The following CPEB3 variants were observed in gnomAD, a reference collection of about 807,000 sequenced individuals.
The protein encoded by CPEB3 is cytoplasmic polyadenylation element binding protein 3, also known as cytoplasmic polyadenylation element-binding protein 3.
Under a neutral mutation model 67.2 loss-of-function variants are expected in CPEB3, and 20 were observed. The ratio of observed to expected loss-of-function variants is 0.30; its 90% CI spans 0.21 to 0.43. The LOEUF (loss-of-function observed/expected upper bound fraction) is 0.43. CPEB3 is among the 20% of genes least tolerant of loss of function. The pLI is 1.00. For synonymous variants in CPEB3, 376 were observed against 393.1 expected, an observed-to-expected ratio of 0.96 and a Z score of 0.51; for missense variants, 746 against 968.6, an observed-to-expected ratio of 0.77 and a Z score of 3.05.
chr10:92,255,049 T>C (rs1852462867), intron 1 of CPEB3, among the ~76,000 whole-genome samples: 1 of 151,890 alleles, frequency 6.6e-6, no homozygotes, highest in African/African-American at 2.4e-5. Context: ...GGCTATTAGG[T>C]AGTAATGTCT....
Position 92,056,518 on chromosome 10 carries a change from G to C in CPEB3, c.1870-4079C>G, listed in dbSNP as rs145508459. On this transcript the variant is annotated intron_variant, in intron 9 of 9. Coordinates refer to ENST00000265997, the MANE Select transcript of CPEB3 (RefSeq NM_014912.5). ...ACTGAGGAGTCAGAAGAATAGTCCC[G>C]AATCACCACACATTTAAACCAGCCC... Among the ~76,000 whole-genome samples the C allele has an allele frequency of 3.6e-3, 552 of 152,218 alleles. 5 individuals carry two copies. Among genetic ancestry groups the C allele is most frequent in the African/African-American group, 0.013 (521 of 41,532 alleles).
chr10:92,064,712 A>C (rs142756650), intron 9 of CPEB3, among the ~76,000 whole-genome samples: 1 of 152,322 alleles, frequency 6.6e-6, no homozygotes, highest in African/African-American at 2.4e-5. Flanking sequence ...GCTGGCTGAA[A>C]GGAGGCCATG....
chr10:92,252,131 T>G (rs367683998), intron 1 of CPEB3, among the ~76,000 whole-genome samples: 1 of 151,196 alleles, frequency 6.6e-6, no homozygotes, highest in Non-Finnish European at 1.5e-5. Context: ...CCCCCAAGAA[T>G]AGGCAAAAGA....
chr10:92,277,906 C>A (rs533578224), intron 1 of CPEB3, among the ~76,000 whole-genome samples: 14 of 144,010 alleles, frequency 9.7e-5, no homozygotes, highest in Admixed American at 2.8e-4. Flanking sequence ...ACAAAAAGGC[C>A]GGGTGCAGTG....
At chr10:92,188,082 G>C (rs1848777757) in intron 3 of CPEB3, among the ~76,000 whole-genome samples, 1 of 152,098 alleles carries the variant, frequency 6.6e-6, no homozygotes, top group South Asian at 2.1e-4. Flanking sequence ...TCTAGTACCA[G>C]CTACTTAGGG....
intron 1 of CPEB3, among the ~76,000 whole-genome samples, chr10:92,279,206 A>G (rs766308498): frequency 7.9e-5 from 12 of 152,168 alleles, no homozygotes; most frequent in Non-Finnish European, 1.8e-4. Flanking sequence ...AAGTTGAGGA[A>G]GTTCCCTTCT....
In CPEB3 at chr10:92,049,002, A is replaced by T. The variant is rs1852195354; in HGVS notation, c.*3210T>A. 6.6e-6 allele frequency: 1 copy of T among 152,630 alleles called. No homozygotes were observed. Among genetic ancestry groups the T allele is most frequent in the Non-Finnish European group, 1.5e-5 (1 of 68,030 alleles). The allele number at this position is 152,630 out of a possible 1,614,324, so 9.5% of individuals were successfully genotyped here. A position where few individuals can be genotyped will look rare whatever the true frequency, so the allele number is the denominator to read the frequency against. The stretch of plus-strand genomic sequence containing the variant: ...GAAAATACGAAATAAAATGAAAAAT[A>T]TGTAAATATGTTTAATTTTTTTCTT... On this transcript the variant is annotated 3_prime_UTR_variant, in exon 10 of 10. Transcript: ENST00000265997.
intron 7 of CPEB3, among the ~76,000 whole-genome samples, chr10:92,100,049 C>G (rs963351431): frequency 6.6e-6 from 1 of 151,408 alleles, no homozygotes; most frequent in Non-Finnish European, 1.5e-5. Context: ...GTGGGAAGAT[C>G]GTTTAGGCCC....
At chr10:92,100,981 G>C (rs555735125) in intron 7 of CPEB3, among the ~76,000 whole-genome samples, 1 of 152,274 alleles carries the variant, frequency 6.6e-6, no homozygotes, top group South Asian at 2.1e-4. Context: ...TTACAATTTA[G>C]TATTTAGATA....
At chr10:92,079,993 G>A (rs1478861548) in intron 9 of CPEB3, among the ~76,000 whole-genome samples, 1 of 151,526 alleles carries the variant, frequency 6.6e-6, no homozygotes, top group Non-Finnish European at 1.5e-5. Context: ...GAGGTCAGGA[G>A]ATCGAGACCA....
chr10:92,065,901 C>T (rs1440419465), intron 9 of CPEB3, among the ~76,000 whole-genome samples: 1 of 151,812 alleles, frequency 6.6e-6, no homozygotes, highest in Non-Finnish European at 1.5e-5. Context: ...CGAGACCAGC[C>T]TGGGCAACAT....
intron 2 of CPEB3, among the ~76,000 whole-genome samples, chr10:92,233,157 T>G (rs1347820094): frequency 6.6e-6 from 1 of 152,150 alleles, no homozygotes; most frequent in Non-Finnish European, 1.5e-5. Flanking sequence ...GTCTTAAATC[T>G]AGGTCATACT....
chr10:92,191,098 T>C (rs1848958136), intron 3 of CPEB3, among the ~76,000 whole-genome samples: 1 of 152,192 alleles, frequency 6.6e-6, no homozygotes, highest in Non-Finnish European at 1.5e-5. Context: ...TCAAAAACTT[T>C]TTTTTAATAT....
chr10:92,091,196 G>A (rs528539327), intron 8 of CPEB3, among the ~76,000 whole-genome samples: 1 of 152,202 alleles, frequency 6.6e-6, no homozygotes, highest in African/African-American at 2.4e-5. Flanking sequence ...CTTTCACAGT[G>A]GCAACAGTAA....
intron 7 of CPEB3, among the ~76,000 whole-genome samples, chr10:92,102,169 C>T (rs1429386628): frequency 6.6e-6 from 1 of 152,126 alleles, no homozygotes; most frequent in African/African-American, 2.4e-5. Flanking sequence ...AGATGCCTTC[C>T]CTGCATCTTC....
chr10:92,125,054 T>C (rs994456620), intron 6 of CPEB3, among the ~76,000 whole-genome samples: 1 of 152,194 alleles, frequency 6.6e-6, no homozygotes, highest in Non-Finnish European at 1.5e-5. Context: ...CTACATGACC[T>C]TGGTTAAGAG....
intron 1 of CPEB3, 146 bp from the exon 2 acceptor site, chr10:92,240,507 G>A (rs1457969723): frequency 1.0e-5 from 8 of 799,526 alleles, no homozygotes; most frequent in Non-Finnish European, 1.3e-5. Context: ...CCATTTAGAA[G>A]AACAGGTCAG....
intron 2 of CPEB3, among the ~76,000 whole-genome samples, chr10:92,227,516 T>TG (rs1851035604): frequency 3.9e-5 from 6 of 152,210 alleles, no homozygotes; most frequent in Admixed American, 3.9e-4. Flanking sequence ...TACTACCTAA[T>TG]GCCAACCTTC....
chr10:92,073,235 C>T (rs1211959630), intron 9 of CPEB3, among the ~76,000 whole-genome samples: 3 of 151,854 alleles, frequency 2.0e-5, no homozygotes, highest in Non-Finnish European at 4.4e-5. Context: ...GACTGGGCCT[C>T]ACTATATTGT....
Sources: allele counts gnomAD v4.1 joint callset (sites outside exome capture counted in the v4.1 genomes callset), GRCh38; gene constraint gnomAD v4.1.1; transcripts MANE v1.5; gene names NCBI Gene and HGNC (gene_info 2026-07-23, HGNC 2026-07-21).